The following PALM3 variants were observed in gnomAD, a reference collection of about 807,000 sequenced individuals.
The protein encoded by PALM3 is paralemmin-3.
Under a neutral mutation model 27.9 loss-of-function variants are expected in PALM3, and 20 were observed. The observed-to-expected ratio is 0.72, with a 90% CI of 0.50 to 1.04. The LOEUF (loss-of-function observed/expected upper bound fraction) is 1.04. Among genes scored for constraint, PALM3 ranks in the 50% least tolerant of loss-of-function variants. PALM3 has a pLI of 0.00. For synonymous variants in PALM3, 328 were observed against 352.7 expected (o/e 0.93, Z 0.79); for missense variants, 814 against 869.4 (o/e 0.94, Z 0.80).
intron 2 of PALM3, 25 bp downstream of exon 2, chr19:14,059,090 A>G: frequency 6.9e-7 from 1 of 1,454,528 alleles, no homozygotes; most frequent in Non-Finnish European, 9.1e-7. Context: ...GGGGGTGCCC[A>G]GGGCGCGGGG....
intron 1 of PALM3, among the ~76,000 whole-genome samples, chr19:14,061,617 A>G (rs1305058384): frequency 2.6e-5 from 4 of 152,106 alleles, no homozygotes; most frequent in Admixed American, 2.6e-4. Context: ...CAAAACGTGG[A>G]ACCCAGTGAC....
In PALM3 at chr19:14,054,491, G is replaced by A. The variant is rs771791980; in HGVS notation, c.1181C>T (p.Ala394Val). The part of the protein sequence containing the change: ...RERGDESPLG[A>V]EGAKTGGGEE... ...GCCTCCTCCCGTCTTGGCCCCCTCG[G>A]CCCCCAGCGGGCTTTCATCTCCTCT... Residue 394 changes from alanine to valine, a missense_variant, in exon 7 of 7, where the codon GCC becomes GTC. Coordinates refer to ENST00000669674, the MANE Select transcript of PALM3 (RefSeq NM_001145028.2). The A allele has an allele frequency of 1.9e-6, 3 of 1,550,776 alleles. No homozygotes were observed.
chr19:14,056,371 C>A, intron 5 of PALM3, 58 bp downstream of exon 5: 1 of 1,465,262 alleles, frequency 6.8e-7, no homozygotes, highest in South Asian at 1.2e-5. Flanking sequence ...ATTCCATGTC[C>A]TGCCTTGAGG....
chr19:14,059,570 GAAT>G (rs1427467546), intron 1 of PALM3, among the ~76,000 whole-genome samples: 17 of 152,084 alleles, frequency 1.1e-4, no homozygotes, highest in Non-Finnish European at 1.5e-5. Context: ...ATTCCATGAT[GAAT>G]AATATGTATG....
At position 14,057,333 on chromosome 19, in the gene PALM3, C is replaced by T. The variant is rs1315561989; in HGVS notation, c.171+18G>A. The stretch of plus-strand genomic sequence containing the variant: ...CTCCATTCCCCAGGCTAGGCAGGCG[C>T]CCCCGCCCGCCCCCAACCTTGAGAC... On this transcript the variant is annotated intron_variant, in intron 3 of 6. Coordinates refer to ENST00000669674, the MANE Select transcript of PALM3 (RefSeq NM_001145028.2). The T allele has an allele frequency of 1.3e-5, 20 of 1,525,258 alleles. No individual in the cohort carries two copies. Among genetic ancestry groups the T allele is most frequent in the East Asian group, 2.6e-5 (1 of 38,924 alleles). The allele number at this position is 1,525,258 out of a possible 1,614,324, so 94.5% of individuals were successfully genotyped here.
At chr19:14,058,522 G>A (rs1032839546) in intron 2 of PALM3, among the ~76,000 whole-genome samples, 6 of 151,774 alleles carry the variant, frequency 4.0e-5, no homozygotes, top group Non-Finnish European at 8.8e-5. Context: ...GTGCAGCCAC[G>A]GGGTCCAGAG....
In PALM3 at chr19:14,056,775, C is replaced by T; in HGVS notation, c.201G>A (p.Met67Ile). The stretch of plus-strand genomic sequence containing the variant: ...GCTCTGGCACTGCAGCTGCCCCATC[C>T]ATTAGCCAACGTTCCCGGAGAGACT... ...KRKSLRERWL[M>I]DGAAAVPEPS... The change falls in exon 4 of 7, where the codon ATG becomes ATA. Residue 67 changes from methionine (M) to isoleucine (I), a missense_variant. Transcript: ENST00000669674. The T allele has an allele frequency of 6.4e-7, 1 of 1,550,898 alleles. No homozygotes were observed. The highest frequency in any genetic ancestry group is 8.7e-7 in the Non-Finnish European group (1 of 1,146,620).
chr19:14,054,799 C>A lies in PALM3; in HGVS notation c.873G>T (p.Val291=), dbSNP rs1233506879. The A allele has an allele frequency of 1.0e-5, 16 of 1,550,094 alleles. No individual in the cohort carries two copies. Among genetic ancestry groups the A allele is most frequent in the Non-Finnish European group, 1.4e-5 (16 of 1,146,252 alleles). Residue 291 remains valine (V), a synonymous_variant, in exon 7 of 7, where the codon GTG becomes GTT. Coordinates refer to ENST00000669674, the MANE Select transcript of PALM3 (RefSeq NM_001145028.2). ...CACTGCCACCCACCCCCTCCCAGACCACCTCCACGATGCCCCTGTCCTCCT... is the reference window on the plus strand; with the variant it reads ...CACTGCCACCCACCCCCTCCCAGACAACCTCCACGATGCCCCTGTCCTCCT... ...WVKEDRGIVE[V]VWEGVGGSDA... is the part of the protein sequence containing the mutation.
chr19:14,055,497 C>CCA (rs1447203035), intron 5 of PALM3, 72 bp from the exon 6 acceptor site: 2 of 1,432,388 alleles, frequency 1.4e-6, no homozygotes, highest in African/African-American at 2.8e-5. Context: ...TGCTAGGCTC[C>CCA]CACCCCACCA....
intron 1 of PALM3, among the ~76,000 whole-genome samples, chr19:14,059,583 GATTA>G (rs1435431823): frequency 6.6e-6 from 1 of 152,088 alleles, no homozygotes; most frequent in Non-Finnish European, 1.5e-5. Flanking sequence ...TAATATGTAT[GATTA>G]ATTATAATAA....
rs192347161 is a variant in PALM3 at position 14,056,709 on chromosome 19, C to G, written c.267G>C (p.Glu89Asp). Reference sequence around the variant, plus strand: ...TCCGGATTCGGGCCTGAGCCTGGCCCTCGGGTGACTGGGGGTCCTTCGAGG... The same window carrying G: ...TCCGGATTCGGGCCTGAGCCTGGCCGTCGGGTGACTGGGGGTCCTTCGAGG... ...DPTSKDPQSP[E>D]GQAQARIRNL... Residue 89 changes from glutamate (E) to aspartate (D), a missense_variant, in exon 4 of 7, where the codon GAG becomes GAC. By Grantham distance (45) the Glu-to-Asp change is conservative (BLOSUM62 2). Transcript: ENST00000669674. The G allele has an allele frequency of 6.4e-6, 10 of 1,551,764 alleles. No individual in the cohort carries two copies. In the Admixed American group the frequency reaches 7.8e-5, roughly 12 times the overall value.
At chr19:14,059,773 C>A (rs1378590488) in intron 1 of PALM3, among the ~76,000 whole-genome samples, 1 of 151,954 alleles carries the variant, frequency 6.6e-6, no homozygotes, top group Non-Finnish European at 1.5e-5. Flanking sequence ...CATGGTAACC[C>A]CAGAGCTGCC....
At chr19:14,059,729 G>C (rs933269591) in intron 1 of PALM3, among the ~76,000 whole-genome samples, 2 of 152,002 alleles carry the variant, frequency 1.3e-5, no homozygotes, top group African/African-American at 4.8e-5. Context: ...AAGCGCTGGG[G>C]GGGCAAGCGA....
chr19:14,057,263 G>A, intron 3 of PALM3, 88 bp downstream of exon 3: 3 of 906,212 alleles, frequency 3.3e-6, no homozygotes, highest in East Asian at 6.7e-5. Context: ...AAATTGGACA[G>A]AGGCTCCTAT....
Position 14,057,345 on chromosome 19 carries a change from C to T in PALM3, c.171+6G>A. The T allele has an allele frequency of 6.5e-7, 1 of 1,541,696 alleles. No individual in the cohort carries two copies. The highest frequency in any genetic ancestry group is 8.7e-7 in the Non-Finnish European group (1 of 1,143,044). ...GGCTAGGCAGGCGCCCCCGCCCGCC[C>T]CCAACCTTGAGACGCTCCACGCGGA... On this transcript the variant is annotated splice_donor_region_variant and intron_variant, in intron 3 of 6. Transcript: ENST00000669674.
At chr19:14,062,076 T>TG (rs565698423), upstream of PALM3, 1,057 of 774,824 alleles carry the variant, frequency 1.4e-3, no homozygotes, top group South Asian at 2.2e-3. Flanking sequence ...CTGCCTGGAG[T>TG]GGGGGGGGGC....
intron 5 of PALM3, 47 bp from the exon 6 acceptor site, chr19:14,055,472 T>C: frequency 1.9e-6 from 3 of 1,543,848 alleles, no homozygotes; most frequent in Non-Finnish European, 2.6e-6. Flanking sequence ...CATCCCCACC[T>C]CCAGCCTCCC....
intron 1 of PALM3, among the ~76,000 whole-genome samples, chr19:14,061,412 C>T (rs1976412304): frequency 6.6e-6 from 1 of 152,192 alleles, no homozygotes; most frequent in Non-Finnish European, 1.5e-5. Flanking sequence ...CACCCCATTC[C>T]ATCTTGCTTA....
In PALM3 at chr19:14,055,204, T is replaced by A. The variant is rs1170089907; in HGVS notation, c.468A>T (p.Arg156Ser). The A allele has an allele frequency of 1.4e-5, 21 of 1,525,242 alleles. No individual in the cohort carries two copies. Among genetic ancestry groups the A allele is most frequent in the Non-Finnish European group, 1.8e-5 (21 of 1,137,834 alleles). The allele number at this position is 1,525,242 out of a possible 1,614,324, so 94.5% of individuals were successfully genotyped here. ...CCACTAGTCCAGCCGGCAGGGAGGC[T>A]CTCTTGTTCAGATCAGTCTGGCCTG... ...GSVGQTDLNK[R>S]ASLPAGLVGT... The change falls in exon 7 of 7, where the codon AGA (arginine) becomes AGT (serine). Residue 156 changes from arginine to serine, a missense_variant. Arg to Ser is a moderately radical substitution (Grantham distance 110). Coordinates refer to ENST00000669674, the MANE Select transcript of PALM3 (RefSeq NM_001145028.2).
Sources: gnomAD v4.1 joint callset for allele counts (sites outside exome capture counted in the v4.1 genomes callset) on GRCh38, gnomAD v4.1.1 for gene constraint, MANE v1.5 for transcripts, NCBI Gene and HGNC (gene_info 2026-07-23, HGNC 2026-07-21) for gene names.